Variants in LPP observed in about 807,000 individuals in gnomAD.
LPP encodes the protein LIM domain containing preferred translocation partner in lipoma, also known as lipoma-preferred partner.
LPP carries 38 observed loss-of-function variants against 60.4 expected under a neutral mutation model. The observed-to-expected ratio is 0.63, with a 90% CI of 0.49 to 0.83. The LOEUF (loss-of-function observed/expected upper bound fraction) is 0.83, where lower values mean the gene tolerates loss of function less well. Among genes scored for constraint, LPP ranks in the 40% least tolerant of loss-of-function variants. LPP has a pLI of 0.00. For synonymous variants in LPP, 328 were observed against 290.8 expected, an observed-to-expected ratio of 1.13 and a Z score of -1.30; for missense variants, 902 against 783.6, an observed-to-expected ratio of 1.15 and a Z score of -1.80.
intron 6 of LPP, among the ~76,000 whole-genome samples, chr3:188,601,794 TGTG>T (rs1166031569): frequency 1.3e-5 from 2 of 152,014 alleles, no homozygotes; most frequent in Non-Finnish European, 2.9e-5. Context: ...CTTGGCCAGG[TGTG>T]GTGGCTCACG....
intron 7 of LPP, among the ~76,000 whole-genome samples, chr3:188,685,849 A>T (rs181917320): frequency 2.5e-3 from 372 of 146,162 alleles, no homozygotes; most frequent in African/African-American, 9.6e-3. Flanking sequence ...TACTTTTCTT[A>T]AAAAAAAAAT....
chr3:188,715,339 C>A (rs138580456), intron 8 of LPP, among the ~76,000 whole-genome samples: 1 of 130,582 alleles, frequency 7.7e-6, no homozygotes. Context: ...GATCGTGCCA[C>A]TGCACTCCAG....
At chr3:188,265,870 GGTGTGTGTGTGT>G (rs55722565) in intron 2 of LPP, among the ~76,000 whole-genome samples, 16 of 143,324 alleles carry the variant, frequency 1.1e-4, no homozygotes, top group Non-Finnish European at 1.8e-4. Context: ...GGATTACTCT[GGTGTGTGTGTGT>G]GTGTGTGTGT....
chr3:188,502,728 T>C (rs527321983), intron 5 of LPP, among the ~76,000 whole-genome samples: 1 of 152,180 alleles, frequency 6.6e-6, no homozygotes, highest in Non-Finnish European at 1.5e-5. Flanking sequence ...ATGCATTTAA[T>C]ATACCTAACA....
At chr3:188,725,286 C>G (rs899483450) in intron 8 of LPP, 1 of 152,270 alleles carries the variant, frequency 6.6e-6, no homozygotes, top group African/African-American at 2.4e-5. Flanking sequence ...GCTTCTGGTT[C>G]TCCTCTGGCA....
chr3:188,468,814 G>T (rs1801080076), intron 4 of LPP, among the ~76,000 whole-genome samples: 1 of 152,128 alleles, frequency 6.6e-6, no homozygotes, highest in South Asian at 2.1e-4. Flanking sequence ...ATAAAAGGGA[G>T]CAATAAATCC....
intron 3 of LPP, among the ~76,000 whole-genome samples, chr3:188,393,605 G>A (rs1780215002): frequency 6.6e-6 from 1 of 152,156 alleles, no homozygotes; most frequent in South Asian, 2.1e-4. Flanking sequence ...CACCAGAACA[G>A]CAGGTATAAA....
At chr3:188,170,265 G>T (rs1218315310) in intron 1 of LPP, among the ~76,000 whole-genome samples, 1 of 152,000 alleles carries the variant, frequency 6.6e-6, no homozygotes, top group Non-Finnish European at 1.5e-5. Context: ...TTTGTTTGGG[G>T]CAGAGCCTCT....
intron 2 of LPP, among the ~76,000 whole-genome samples, chr3:188,285,242 G>A (rs962400527): frequency 1.3e-5 from 2 of 152,144 alleles, no homozygotes; most frequent in African/African-American, 2.4e-5. Context: ...TAAAGATAAA[G>A]GGGTATACAG....
chr3:188,797,682 TC>T (rs1277118527), intron 9 of LPP, among the ~76,000 whole-genome samples: 1 of 152,232 alleles, frequency 6.6e-6, no homozygotes, highest in Non-Finnish European at 1.5e-5. Context: ...TCCAACGTAA[TC>T]TAATCTCTGA....
rs569212787 is a variant in LPP at position 188,438,465 on chromosome 3, G to A, written c.193+32152G>A. Among the ~76,000 whole-genome samples, 4 of 151,554 alleles carry A rather than the reference G, an allele frequency of 2.6e-5. No individual in the cohort carries two copies. The East Asian group carries it at 5.8e-4, about 22-fold the overall frequency. ...TTATTAATATCCATTTTCTGGATGA[G>A]GAAACTGAGGCCCCAACCAGTGAAA... On this transcript the variant is annotated intron_variant, in intron 4 of 11. Transcript: ENST00000617246.
intron 9 of LPP, among the ~76,000 whole-genome samples, chr3:188,792,382 C>A (rs936553382): frequency 2.0e-5 from 3 of 152,244 alleles, no homozygotes; most frequent in African/African-American, 4.8e-5. Context: ...CGCAAGCTCA[C>A]TGCCTCCTCC....
chr3:188,499,888 G>A (rs1003146210), intron 5 of LPP, among the ~76,000 whole-genome samples: 3 of 152,050 alleles, frequency 2.0e-5, no homozygotes, highest in Non-Finnish European at 2.9e-5. Context: ...TATATGGAAT[G>A]ATTTGCTTAA....
chr3:188,663,455 C>A (rs1371757740), intron 7 of LPP, among the ~76,000 whole-genome samples: 1 of 152,176 alleles, frequency 6.6e-6, no homozygotes, highest in Non-Finnish European at 1.5e-5. Context: ...AAAACTCTTT[C>A]AAACAAGTTT....
At chr3:188,388,103 C>T (rs1273059923) in intron 3 of LPP, among the ~76,000 whole-genome samples, 1 of 151,838 alleles carries the variant, frequency 6.6e-6, no homozygotes, top group Non-Finnish European at 1.5e-5. Flanking sequence ...AAGATGAGTA[C>T]TTTCCAATCT....
intron 8 of LPP, chr3:188,709,391 C>G (rs996258676): frequency 1.3e-5 from 2 of 152,088 alleles, no homozygotes; most frequent in Non-Finnish European, 2.9e-5. Context: ...GAGCCTTGCT[C>G]TGTCACCCAG....
chr3:188,532,457 T>A lies in LPP; in HGVS notation c.429+7670T>A, dbSNP rs542620797. The stretch of plus-strand genomic sequence containing the variant: ...CAATCAATCAATCAATCAATAGAAG[T>A]GAAGTGTTCTGTGAGTAGCATAGAG... On this transcript the variant is annotated intron_variant, in intron 6 of 11. Coordinates refer to ENST00000617246, the MANE Select transcript of LPP (RefSeq NM_001375462.1). Among the ~76,000 whole-genome samples the A allele has an allele frequency of 3.9e-5, 6 of 152,180 alleles. No individual in the cohort carries two copies. In the South Asian group the frequency reaches 1.0e-3, roughly 26 times the overall value.
intron 2 of LPP, among the ~76,000 whole-genome samples, chr3:188,279,562 A>G (rs1741201786): frequency 1.3e-5 from 2 of 152,200 alleles, no homozygotes; most frequent in Admixed American, 1.3e-4. Flanking sequence ...GAAGCACACA[A>G]TCCTCATTCA....
At chr3:188,469,843 C>A (rs921049438) in intron 4 of LPP, among the ~76,000 whole-genome samples, 2 of 151,998 alleles carry the variant, frequency 1.3e-5, no homozygotes, top group African/African-American at 4.8e-5. Context: ...TGTTTCTGGG[C>A]AAGTCACATA....
Sources: allele counts gnomAD v4.1 joint callset (sites outside exome capture counted in the v4.1 genomes callset), GRCh38; gene constraint gnomAD v4.1.1; transcripts MANE v1.5; gene names NCBI Gene and HGNC (gene_info 2026-07-23, HGNC 2026-07-21).